The following SLC44A1 variants were observed in gnomAD, a reference collection of about 807,000 sequenced individuals.
SLC44A1 encodes the protein choline transporter-like protein 1.
A neutral mutation model predicts 79.3 loss-of-function variants in SLC44A1; 26 were observed. The ratio of observed to expected loss-of-function variants is 0.33; its 90% confidence interval spans 0.24 to 0.46. The LOEUF (loss-of-function observed/expected upper bound fraction) is 0.46. Ranked by LOEUF, SLC44A1 falls within the 20% of genes least tolerant of loss-of-function variation. SLC44A1 has a pLI of 1.00. For synonymous variants in SLC44A1, 263 were observed against 286.2 expected, an observed-to-expected ratio of 0.92 and a Z score of 0.82; for missense variants, 688 against 798.1, an observed-to-expected ratio of 0.86 and a Z score of 1.66.
In SLC44A1 at chr9:105,438,358, C is replaced by G. The variant is rs568125873; in HGVS notation, c.*63C>G. 3.0e-4 allele frequency: 400 copies of G among 1,343,264 alleles called. 1 individual carries two copies. The South Asian group carries it at 4.9e-3, about 17-fold the overall frequency. The allele number at this position is 1,343,264 out of a possible 1,614,324, so 83.2% of individuals were successfully genotyped here. A position where few individuals can be genotyped will look rare whatever the true frequency, so the allele number is the denominator to read the frequency against. On this transcript the variant is annotated 3_prime_UTR_variant, in exon 16 of 16. Transcript: ENST00000374724. ...GTTGTTTACATGAGGTTCTCCCACT[C>G]ACCAGCTGTTGAGAGTCTGCGATTA...
chr9:105,316,533 C>G (rs1277765295), intron 3 of SLC44A1, among the ~76,000 whole-genome samples: 1 of 152,122 alleles, frequency 6.6e-6, no homozygotes, highest in Non-Finnish European at 1.5e-5. Flanking sequence ...TTATACTTAT[C>G]TCTTTTTTCC....
At chr9:105,249,742 C>G (rs1051438092) in intron 1 of SLC44A1, among the ~76,000 whole-genome samples, 21 of 151,150 alleles carry the variant, frequency 1.4e-4, no homozygotes, top group African/African-American at 5.1e-4. Context: ...ACCATGTTGG[C>G]CAGGGTGGTC....
intron 6 of SLC44A1, 123 bp downstream of exon 6, chr9:105,356,504 A>G (rs1270259418): frequency 8.3e-6 from 5 of 604,214 alleles, no homozygotes; most frequent in East Asian, 2.9e-5. Context: ...CATAGCCAAA[A>G]TCATTGTTTC....
In SLC44A1 at chr9:105,391,213, A is replaced by G; in HGVS notation, c.*2157A>G. 2.0e-6 allele frequency: 2 copies of G among 985,796 alleles called. No individual in the cohort carries two copies. Among genetic ancestry groups the G allele is most frequent in the Non-Finnish European group, 1.2e-6 (1 of 829,926 alleles). 61.1% of individuals were successfully genotyped at this position (985,796 alleles called of 1,614,324 possible). On this transcript the variant is annotated 3_prime_UTR_variant, in exon 16 of 16. Transcript: ENST00000374720. ...CTACTCACTTGGACATCCCTGCATC[A>G]TGGACTGTTGCTGCTCCCTGTTCCA...
Position 105,390,698 on chromosome 9 carries a change from G to A in SLC44A1, c.*1642G>A, listed in dbSNP as rs777718639. ...CTTTACTCTAGCTAGGCTAAAATTT[G>A]CTAAATGCCTTGGTTTCTTTTAAAA... On this transcript the variant is annotated 3_prime_UTR_variant, in exon 16 of 16. Transcript: ENST00000374720. 1.1e-5 allele frequency: 11 copies of A among 985,302 alleles called. No homozygotes were observed. Among genetic ancestry groups the A allele is most frequent in the Admixed American group, 6.2e-5 (1 of 16,236 alleles). The allele number at this position is 985,302 out of a possible 1,614,324, so 61.0% of individuals were successfully genotyped here.
chr9:105,322,220 A>G (rs1411397711), intron 3 of SLC44A1, among the ~76,000 whole-genome samples: 1 of 152,194 alleles, frequency 6.6e-6, no homozygotes, highest in East Asian at 1.9e-4. Flanking sequence ...AGGAAGGGAA[A>G]CATATGGGTT....
intron 3 of SLC44A1, among the ~76,000 whole-genome samples, chr9:105,323,640 G>A (rs535464514): frequency 2.0e-5 from 3 of 152,088 alleles, no homozygotes; most frequent in Non-Finnish European, 2.9e-5. Flanking sequence ...TCAAGGCTTC[G>A]TCCCTTTTTA....
rs768685467 is a variant in SLC44A1, at chr9:105,391,996, G to C, written c.*2940G>C. 74 of 985,174 alleles carry C rather than the reference G, an allele frequency of 7.5e-5. No homozygotes were observed. Among genetic ancestry groups the C allele is most frequent in the Non-Finnish European group, 8.7e-5 (72 of 829,916 alleles). The allele number at this position is 985,174 out of a possible 1,614,324, so 61.0% of individuals were successfully genotyped here. A position where few individuals can be genotyped will look rare whatever the true frequency, so the allele number is the denominator to read the frequency against. ...CTGGTGCATAATTTAGACTTTCTAAGCTCCTGCCTGAAGAATAAGGTCTTC... is the reference window on the plus strand; with the variant it reads ...CTGGTGCATAATTTAGACTTTCTAACCTCCTGCCTGAAGAATAAGGTCTTC... On this transcript the variant is annotated 3_prime_UTR_variant, in exon 16 of 16. Transcript: ENST00000374720.
intron 3 of SLC44A1, among the ~76,000 whole-genome samples, chr9:105,334,459 A>G (rs1446595232): frequency 6.6e-6 from 1 of 150,836 alleles, no homozygotes; most frequent in Non-Finnish European, 1.5e-5. Flanking sequence ...TAATTTTTAT[A>G]TTAGGTTATA....
At chr9:105,299,179 A>T (rs747019824) in intron 1 of SLC44A1, 41 bp from the exon 2 acceptor site, 1 of 1,446,170 alleles carries the variant, frequency 6.9e-7, no homozygotes, top group African/African-American at 1.4e-5. Context: ...CTTTAACTAA[A>T]CTTAGCATTT....
chr9:105,417,463 GA>G (rs1442564205), intron 15 of SLC44A1, among the ~76,000 whole-genome samples: 2 of 152,082 alleles, frequency 1.3e-5, no homozygotes, highest in African/African-American at 4.8e-5. Flanking sequence ...TGGTCTGGTG[GA>G]AAAGCATGGA....
At chr9:105,366,280 T>A in intron 11 of SLC44A1, 66 bp from the exon 12 acceptor site, 1 of 776,644 alleles carries the variant, frequency 1.3e-6, no homozygotes, top group South Asian at 2.4e-5. Context: ...TTCTAACGTT[T>A]GAAGTCTTCT....
chr9:105,260,720 A>G (rs374051731), intron 1 of SLC44A1, among the ~76,000 whole-genome samples: 29 of 152,326 alleles, frequency 1.9e-4, no homozygotes, highest in African/African-American at 6.0e-4. Flanking sequence ...ACTTGATAAT[A>G]TGAACTGCTA....
chr9:105,389,683 T>G lies in SLC44A1; in HGVS notation c.*627T>G. On this transcript the variant is annotated 3_prime_UTR_variant, in exon 16 of 16. Coordinates refer to ENST00000374720, the MANE Select transcript of SLC44A1 (RefSeq NM_080546.5). ...CAGCCAACATTAAAAGGTAACCAAC[T>G]CCTCAGGTATTTGTAGTTTACCCTA... 8.1e-7 allele frequency: 1 copy of G among 1,238,406 alleles called. No individual in the cohort carries two copies. Among genetic ancestry groups the G allele is most frequent in the Non-Finnish European group, 1.0e-6 (1 of 989,834 alleles). 76.7% of individuals were successfully genotyped at this position (1,238,406 alleles called of 1,614,324 possible).
rs1320717054 is a variant in SLC44A1 at position 105,273,380 on chromosome 9, G to A, written c.37-25840G>A. Among the ~76,000 whole-genome samples the A allele has an allele frequency of 2.0e-5, 3 of 152,280 alleles. No homozygotes were observed. In the East Asian group the frequency reaches 5.8e-4, roughly 29 times the overall value. On this transcript the variant is annotated intron_variant, in intron 1 of 15. Transcript: ENST00000374720. ...TAGAGTTATTGGTGAATTAGAAGGG[G>A]GTGGATGTTATTCCTTATTGTCAAC...
chr9:105,427,196 G>T (rs1324162220), intron 15 of SLC44A1, among the ~76,000 whole-genome samples: 1 of 152,108 alleles, frequency 6.6e-6, no homozygotes, highest in African/African-American at 2.4e-5. Context: ...GCCTCCCAAA[G>T]TGCTGAGATT....
chr9:105,331,881 G>A (rs561544527), intron 3 of SLC44A1, among the ~76,000 whole-genome samples: 1 of 152,264 alleles, frequency 6.6e-6, no homozygotes, highest in Admixed American at 6.5e-5. Context: ...TAGGCCTCAA[G>A]GCCTCAGTTT....
chr9:105,422,381 C>T (rs1417293807), intron 15 of SLC44A1, among the ~76,000 whole-genome samples: 1 of 150,920 alleles, frequency 6.6e-6, no homozygotes, highest in Non-Finnish European at 1.5e-5. Flanking sequence ...CTCTGCATCC[C>T]GGGTTCAAGC....
chr9:105,360,270 G>A (rs531986563), intron 7 of SLC44A1, among the ~76,000 whole-genome samples: 1 of 151,968 alleles, frequency 6.6e-6, no homozygotes, highest in East Asian at 1.9e-4. Context: ...TACCAGTGAG[G>A]CCTTGCTTAC....
Sources: allele counts gnomAD v4.1 joint callset (sites outside exome capture counted in the v4.1 genomes callset), GRCh38; gene constraint gnomAD v4.1.1; transcripts MANE v1.5; gene names NCBI Gene and HGNC (gene_info 2026-07-23, HGNC 2026-07-21).